The following DEPDC5 variants were observed in gnomAD, a reference collection of about 807,000 sequenced individuals.
The protein encoded by DEPDC5 is DEP domain containing 5, GATOR1 subcomplex subunit.
Under a neutral mutation model 217.3 loss-of-function variants are expected in DEPDC5, and 73 were observed. That is an observed-to-expected ratio of 0.34 (90% CI 0.28 to 0.41). DEPDC5 has a LOEUF of 0.41. DEPDC5 is among the 10% of genes least tolerant of loss of function. DEPDC5 has a pLI of 1.00. For missense variants in DEPDC5, 1,675 were observed against 2,070.1 expected, an observed-to-expected ratio of 0.81 and a Z score of 3.70; for synonymous variants, 733 against 756.7, an observed-to-expected ratio of 0.97 and a Z score of 0.51.
At chr22:31,814,873 C>T in intron 20 of DEPDC5, 119 bp from the exon 21 acceptor site, 1 of 1,038,656 alleles carries the variant, frequency 9.6e-7, no homozygotes, top group Non-Finnish European at 1.5e-6. Flanking sequence ...TTGTAGATCA[C>T]ACTGGGGATT....
chr22:31,896,005 C>G (rs2093545705), intron 39 of DEPDC5, among the ~76,000 whole-genome samples: 1 of 151,278 alleles, frequency 6.6e-6, no homozygotes, highest in East Asian at 1.9e-4. Context: ...CTTGCTGGCC[C>G]TACTAGATAA....
rs1197929676 is a variant in DEPDC5 at position 31,786,922 on chromosome 22, G to A, written c.624+2047G>A. 2.6e-5 allele frequency among the ~76,000 whole-genome samples: 4 copies of A among 151,926 alleles called. 1 individual carries two copies. The highest frequency in any genetic ancestry group is 2.0e-4 in the Admixed American group (3 of 15,218). On this transcript the variant is annotated intron_variant, in intron 10 of 42. Coordinates refer to ENST00000651528, the MANE Select transcript of DEPDC5 (RefSeq NM_001242896.3). ...CCCTCCTGAGTAGCTGGGATTACAGGTGCCCGCTACCATGCCCAGCTAATT... is the reference window on the plus strand; with the variant it reads ...CCCTCCTGAGTAGCTGGGATTACAGATGCCCGCTACCATGCCCAGCTAATT...
At chr22:31,882,554 T>C (rs1188158348) in intron 38 of DEPDC5, among the ~76,000 whole-genome samples, 2 of 152,218 alleles carry the variant, frequency 1.3e-5, no homozygotes, top group African/African-American at 2.4e-5. Flanking sequence ...ATAGAGCATA[T>C]TTACTCCACT....
intron 4 of DEPDC5, among the ~76,000 whole-genome samples, chr22:31,763,775 A>G (rs1347764926): frequency 2.5e-4 from 38 of 152,042 alleles, no homozygotes. Flanking sequence ...ATTTGAGGAG[A>G]AAACATTCTA....
intron 7 of DEPDC5, among the ~76,000 whole-genome samples, chr22:31,771,607 C>A (rs887262996): frequency 1.3e-5 from 2 of 151,822 alleles, no homozygotes; most frequent in African/African-American, 4.8e-5. Context: ...GTAGTCCCAG[C>A]TACTCGGGAG....
intron 3 of DEPDC5, among the ~76,000 whole-genome samples, chr22:31,760,140 T>A (rs2082271295): frequency 6.6e-6 from 1 of 151,736 alleles, no homozygotes; most frequent in Non-Finnish European, 1.5e-5. Flanking sequence ...CAATCTTGGC[T>A]CACTGCAAGC....
intron 8 of DEPDC5, among the ~76,000 whole-genome samples, chr22:31,780,545 A>T: frequency 6.6e-6 from 1 of 152,192 alleles, no homozygotes; most frequent in South Asian, 2.1e-4. Flanking sequence ...CCAACATGCC[A>T]CCTTCTCTCT....
chr22:31,815,210 G>T lies in DEPDC5; in HGVS notation c.1664G>T (p.Arg555Leu), dbSNP rs199688798. ...AGCTCCTTGGGATACACCAGCACTC[G>T]AGGTAAGAGTGCTGAAGCACAGACA... ...VSSSLGYTST[R>L]DVLENMMEPP... Residue 555 changes from arginine (R) to leucine (L), a missense_variant and splice_region_variant, in exon 21 of 43, where the codon CGA (arginine) becomes CTA (leucine). Physicochemically the swap from Arg to Leu is moderately radical, Grantham distance 102. Coordinates refer to ENST00000651528, the MANE Select transcript of DEPDC5 (RefSeq NM_001242896.3). 1.2e-6 allele frequency: 2 copies of T among 1,614,074 alleles called. No homozygotes were observed. Among genetic ancestry groups the T allele is most frequent in the East Asian group, 4.5e-5 (2 of 44,882 alleles).
chr22:31,901,596 T>C, intron 40 of DEPDC5, 146 bp from the exon 41 acceptor site: 2 of 651,264 alleles, frequency 3.1e-6, no homozygotes, highest in Non-Finnish European at 5.4e-6. Flanking sequence ...GAGGCCAGTC[T>C]TTCTCAAAGG....
At chr22:31,788,123 GGACTT>G (rs2085207709) in intron 10 of DEPDC5, among the ~76,000 whole-genome samples, 1 of 151,694 alleles carries the variant, frequency 6.6e-6, no homozygotes, top group African/African-American at 2.4e-5. Flanking sequence ...AATGGGCAAA[GGACTT>G]GAATCAACAT....
chr22:31,906,827 G>A lies in DEPDC5; in HGVS notation c.*330G>A, dbSNP rs2093766890. 6.9e-6 allele frequency: 3 copies of A among 434,594 alleles called. No individual in the cohort carries two copies. The South Asian group carries it at 9.3e-5, about 13-fold the overall frequency. 26.9% of individuals were successfully genotyped at this position (434,594 alleles called of 1,614,324 possible). A position where few individuals can be genotyped will look rare whatever the true frequency, so the allele number is the denominator to read the frequency against. ...CAGGCGGCCCCCATGAATGTCCTCG[G>A]AAGGGGGTGGCTCCTGGTAGCATCC... On this transcript the variant is annotated 3_prime_UTR_variant, in exon 43 of 43. Coordinates refer to ENST00000651528, the MANE Select transcript of DEPDC5 (RefSeq NM_001242896.3). This position sits in a 1 kb window ranked among gnomAD's most constrained non-coding sequence, Gnocchi z 5.1.
At chr22:31,796,559 C>G (rs537684391) in intron 12 of DEPDC5, among the ~76,000 whole-genome samples, 1 of 152,094 alleles carries the variant, frequency 6.6e-6, no homozygotes, top group African/African-American at 2.4e-5. Flanking sequence ...GATAAATTGC[C>G]AGAAATGGAG....
chr22:31,846,818 C>T lies in DEPDC5; in HGVS notation c.3022-16C>T, dbSNP rs76841380. ...CCCACTTGGCTGATGGCCTTGTCTC[C>T]TCTTCTCTGCTTTAGAAAGGGACCG... On this transcript the variant is annotated splice_polypyrimidine_tract_variant and intron_variant, in intron 30 of 42. Coordinates refer to ENST00000651528, the MANE Select transcript of DEPDC5 (RefSeq NM_001242896.3). The T allele has an allele frequency of 1.3e-4, 208 of 1,614,196 alleles. No individual in the cohort carries two copies. Among genetic ancestry groups the T allele is most frequent in the Non-Finnish European group, 1.7e-4 (197 of 1,180,030 alleles).
chr22:31,893,917 T>G (rs1438747580), intron 39 of DEPDC5, 166 bp downstream of exon 39: 3 of 806,474 alleles, frequency 3.7e-6, no homozygotes, highest in Non-Finnish European at 5.3e-6. Context: ...TAGTAAAAAT[T>G]TTAAGCAATC....
intron 38 of DEPDC5, among the ~76,000 whole-genome samples, chr22:31,889,538 CTTCTTT>C (rs1201716590): frequency 2.1e-5 from 3 of 139,808 alleles, no homozygotes; most frequent in Middle Eastern, 3.8e-3. Context: ...GAGGGCAAAA[CTTCTTT>C]TTTTTTTTTT....
intron 31 of DEPDC5, among the ~76,000 whole-genome samples, chr22:31,849,248 G>C (rs1284869131): frequency 6.6e-6 from 1 of 152,120 alleles, no homozygotes; most frequent in Non-Finnish European, 1.5e-5. Context: ...CTTTACAGCA[G>C]TGCCTCACTC....
At chr22:31,780,591 C>A (rs1252134858) in intron 8 of DEPDC5, among the ~76,000 whole-genome samples, 2 of 152,124 alleles carry the variant, frequency 1.3e-5, no homozygotes, top group Non-Finnish European at 2.9e-5. Context: ...CCCTCTGTAT[C>A]CTAGGGTGCC....
Position 31,901,762 on chromosome 22 carries a change from TG to T in DEPDC5, c.4399del (p.Asp1467IlefsTer107). 6.2e-7 allele frequency: 1 copy of T among 1,613,558 alleles called. No homozygotes were observed. The highest frequency in any genetic ancestry group is 8.5e-7 in the Non-Finnish European group (1 of 1,179,728). On this transcript the variant is annotated frameshift_variant, in exon 41 of 43. Coordinates refer to ENST00000651528, the MANE Select transcript of DEPDC5 (RefSeq NM_001242896.3). LOFTEE classifies it high-confidence loss of function. Reference sequence around the variant, plus strand: ...TTCAGGCTTTGAACCCGAAACGTACTGGGATCGAATGCACCTCTTCCAGGAA... The same window carrying T: ...TTCAGGCTTTGAACCCGAAACGTACTGGATCGAATGCACCTCTTCCAGGAA... ...LFDSFEPETY[W>X]DRMHLFQEAI...
At chr22:31,857,409 G>C (rs887071094) in intron 31 of DEPDC5, 36 bp from the exon 32 acceptor site, 1 of 1,548,528 alleles carries the variant, frequency 6.5e-7, no homozygotes, top group Non-Finnish European at 8.8e-7. Context: ...AGGGAGCTCT[G>C]AGCAAGCTGC....
Sources: allele counts gnomAD v4.1 joint callset (sites outside exome capture counted in the v4.1 genomes callset), GRCh38; gene constraint gnomAD v4.1.1; non-coding constraint Gnocchi (gnomAD v3.1); transcripts MANE v1.5; gene names NCBI Gene and HGNC (gene_info 2026-07-23, HGNC 2026-07-21).